The following MAF variants were observed in gnomAD, a reference collection of about 807,000 sequenced individuals.
MAF encodes the protein transcription factor Maf.
A neutral mutation model predicts 22.0 loss-of-function variants in MAF; 10 were observed. The observed-to-expected ratio is 0.45, with a 90% CI of 0.28 to 0.77. The LOEUF (loss-of-function observed/expected upper bound fraction) is 0.77, where lower values mean the gene tolerates loss of function less well. Ranked by LOEUF, MAF falls within the 30% of genes least tolerant of loss-of-function variation. The probability of loss-of-function intolerance (pLI) is 0.12; values close to 1 mark genes in which losing one functional copy is unlikely to be tolerated. For missense variants in MAF, 544 were observed against 548.4 expected (o/e 0.99, Z 0.08); for synonymous variants, 337 against 255.8 (o/e 1.32, Z -3.03).
At chr16:79,556,007 T>TTTTA in the MAF span, among the ~76,000 whole-genome samples, 29,741 of 152,016 alleles carry the variant, frequency 0.2, 3,371 homozygotes, top group Non-Finnish European at 0.26. Context: ...GTTTAGTTTG[T>TTTTA]TTTGTTAGTT....
At chr16:79,470,791 G>T in the MAF span, among the ~76,000 whole-genome samples, 1 of 152,144 alleles carries the variant, frequency 6.6e-6, no homozygotes. Flanking sequence ...TGGATGGATG[G>T]GTGAACGGAT....
the MAF span, among the ~76,000 whole-genome samples, chr16:79,468,189 C>G: frequency 9.2e-5 from 14 of 152,186 alleles, no homozygotes; most frequent in Admixed American, 8.5e-4. Flanking sequence ...CCTGCACATA[C>G]TCACGAGAAG....
chr16:79,313,505 C>G, the MAF span, among the ~76,000 whole-genome samples: 1 of 152,178 alleles, frequency 6.6e-6, no homozygotes, highest in Non-Finnish European at 1.5e-5. Context: ...GTTCCCATCA[C>G]CCAAAGAGAA....
rs1913956388 is a variant in MAF at position 79,600,346 on chromosome 16, G to A, written c.-444C>T. 1 of 199,968 alleles carries A rather than the reference G, an allele frequency of 5.0e-6. No individual in the cohort carries two copies. Among genetic ancestry groups the A allele is most frequent in the Non-Finnish European group, 1.1e-5 (1 of 88,536 alleles). 12.4% of individuals were successfully genotyped at this position (199,968 alleles called of 1,614,324 possible). On this transcript the variant is annotated 5_prime_UTR_variant, in exon 1 of 2. Coordinates refer to ENST00000326043, the MANE Select transcript of MAF (RefSeq NM_005360.5). ...AGGAAGGGCTCGCCTCGCCGGCCCG[G>A]GCTGCAGGCAGGGCGCGCGCGGCGT... is the stretch of plus-strand genomic sequence containing the variant.
chr16:79,247,412 A>G, the MAF span, among the ~76,000 whole-genome samples: 2 of 152,216 alleles, frequency 1.3e-5, no homozygotes, highest in South Asian at 2.1e-4. Flanking sequence ...GATGATCTCA[A>G]TGGCTTTGTG....
chr16:79,402,531 A>C, the MAF span, among the ~76,000 whole-genome samples: 49 of 152,092 alleles, frequency 3.2e-4, no homozygotes, highest in Non-Finnish European at 5.2e-4. Flanking sequence ...GTGACGGGGG[A>C]GAGGTGGGGC....
chr16:79,476,766 C>T, the MAF span, among the ~76,000 whole-genome samples: 13 of 152,290 alleles, frequency 8.5e-5, no homozygotes, highest in South Asian at 2.5e-3. Flanking sequence ...CTTGGAGTCA[C>T]ATGGTACCAG....
At chr16:79,556,719 A>G in the MAF span, among the ~76,000 whole-genome samples, 1 of 152,202 alleles carries the variant, frequency 6.6e-6, no homozygotes, top group African/African-American at 2.4e-5. Context: ...ACGTGGGTAA[A>G]TTAGATAATC....
Position 79,599,266 on chromosome 16 carries a change from C to A in MAF, c.637G>T (p.Ala213Ser). 1.0e-6 allele frequency: 1 copy of A among 978,482 alleles called. No individual in the cohort carries two copies. The highest frequency in any genetic ancestry group is 1.2e-6 in the Non-Finnish European group (1 of 827,400). The allele number at this position is 978,482 out of a possible 1,614,324, so 60.6% of individuals were successfully genotyped here. ...AGSAAASAGG[A>S]GGAGGGGPAS... is the part of the protein sequence containing the mutation. ...GGGCCACCGCCGCCCGCGCCCCCAG[C>A]GCCACCGGCCGAGGCGGCCGCGCTG... is the stretch of plus-strand genomic sequence containing the variant. Residue 213 changes from alanine (A) to serine (S), a missense_variant, in exon 1 of 2, where the codon GCT (alanine) becomes TCT (serine). Transcript: ENST00000326043.
rs773429267 is a variant in MAF at position 79,599,129 on chromosome 16, G to T, written c.774C>A (p.Asp258Glu). 6 of 1,588,540 alleles carry T rather than the reference G, an allele frequency of 3.8e-6. No individual in the cohort carries two copies. The East Asian group carries it at 1.1e-4, about 30-fold the overall frequency. ...PHHAAGGLHF[D>E]DRFSDEQLVT... ...CCAGCTGCTCGTCGGAGAAGCGGTC[G>T]TCGAAGTGCAGGCCGCCGGCGGCGT... Residue 258 changes from aspartate to glutamate, a missense_variant, in exon 1 of 2, where the codon GAC becomes GAA. Transcript: ENST00000326043.
the MAF span, among the ~76,000 whole-genome samples, chr16:79,401,958 C>T: frequency 0.05 from 7,558 of 152,192 alleles, 427 homozygotes; most frequent in African/African-American, 0.14. Context: ...AAATGGGATG[C>T]TATCATTACC....
chr16:79,454,514 T>G, the MAF span, among the ~76,000 whole-genome samples: 1 of 152,168 alleles, frequency 6.6e-6, no homozygotes, highest in East Asian at 1.9e-4. Context: ...AAGGAAGAAC[T>G]GCCAGTATAC....
At chr16:79,470,963 C>T in the MAF span, among the ~76,000 whole-genome samples, 142 of 152,328 alleles carry the variant, frequency 9.3e-4, no homozygotes, top group African/African-American at 3.3e-3. Flanking sequence ...TTATATAATG[C>T]ATGGAAGATG....
chr16:79,420,909 C>T, the MAF span, among the ~76,000 whole-genome samples: 1 of 152,106 alleles, frequency 6.6e-6, no homozygotes, highest in Admixed American at 6.5e-5. Flanking sequence ...GGGCAGGCAC[C>T]TGTAATCCCA....
chr16:79,391,394 G>C, the MAF span, among the ~76,000 whole-genome samples: 11 of 152,168 alleles, frequency 7.2e-5, no homozygotes, highest in Non-Finnish European at 1.2e-4. Context: ...TGAGGCCCAA[G>C]CAGAGCCACA....
the MAF span, among the ~76,000 whole-genome samples, chr16:79,281,475 AG>A: frequency 2.0e-5 from 3 of 151,942 alleles, no homozygotes; most frequent in Non-Finnish European, 4.4e-5. Context: ...TCCTGAAAAA[AG>A]GTTTGTAATT....
chr16:79,535,269 G>T, the MAF span, among the ~76,000 whole-genome samples: 1 of 151,994 alleles, frequency 6.6e-6, no homozygotes, highest in Non-Finnish European at 1.5e-5. Context: ...GAGACTGGCT[G>T]TGGATGGCGC....
At chr16:79,339,505 C>G in the MAF span, among the ~76,000 whole-genome samples, 1 of 152,124 alleles carries the variant, frequency 6.6e-6, no homozygotes, top group Non-Finnish European at 1.5e-5. Context: ...TGGAAGAGAG[C>G]CACTCTAACC....
the MAF span, among the ~76,000 whole-genome samples, chr16:79,283,415 C>T: frequency 3.3e-5 from 5 of 152,144 alleles, no homozygotes; most frequent in Non-Finnish European, 5.9e-5. Context: ...AAAAAGTTCT[C>T]CTCATTCTAG....
Sources: allele counts gnomAD v4.1 joint callset (sites outside exome capture counted in the v4.1 genomes callset), GRCh38; gene constraint gnomAD v4.1.1; transcripts MANE v1.5; gene names NCBI Gene and HGNC (gene_info 2026-07-23, HGNC 2026-07-21).